TGM5: variants seen among roughly 807,000 people sequenced by gnomAD.
The protein encoded by TGM5 is protein-glutamine gamma-glutamyltransferase 5.
TGM5 carries 69 observed loss-of-function variants against 77.2 expected under a neutral mutation model. The ratio of observed to expected loss-of-function variants is 0.89; its 90% CI spans 0.74 to 1.09. TGM5 has a LOEUF of 1.09. Among genes scored for constraint, TGM5 ranks in the 50% least tolerant of loss-of-function variants. The probability of loss-of-function intolerance (pLI) is 0.00; values close to 1 mark genes in which losing one functional copy is unlikely to be tolerated. For synonymous variants in TGM5, 346 were observed against 351.8 expected, an observed-to-expected ratio of 0.98 and a Z score of 0.18; for missense variants, 842 against 896.5, an observed-to-expected ratio of 0.94 and a Z score of 0.78.
Position 43,235,768 on chromosome 15 carries a change from G to A in TGM5, c.1415C>T (p.Ser472Phe), listed in dbSNP as rs1490970396. Residue 472 changes from serine (S) to phenylalanine (F), a missense_variant, in exon 10 of 13, where the codon TCC becomes TTC. Coordinates refer to ENST00000220420, the MANE Select transcript of TGM5 (RefSeq NM_201631.4). ...QKLKARSFHG[S>F]QRGAELQPSR... ...AGGTTGCAACTCTGCTCCTCTTTGG[G>A]AGCCATGGAAGCTTCTAGCCTTCAG... The A allele has an allele frequency of 3.7e-6, 6 of 1,614,088 alleles. No individual in the cohort carries two copies. In the African/African-American group the frequency reaches 6.7e-5, roughly 18 times the overall value.
In TGM5 at chr15:43,234,775, C is replaced by T. The variant is rs936743659; in HGVS notation, c.1869G>A (p.Thr623=). 1.4e-5 allele frequency: 22 copies of T among 1,614,082 alleles called. No homozygotes were observed. Among genetic ancestry groups the T allele is most frequent in the East Asian group, 6.7e-5 (3 of 44,888 alleles). The change falls in exon 11 of 13, where the codon ACG becomes ACA. Residue 623 remains threonine (T), a synonymous_variant. Coordinates refer to ENST00000220420, the MANE Select transcript of TGM5 (RefSeq NM_201631.4). ...TTGCAGGACTCCTGCCTACATTAAT[C>T]GTGATGCTTGGATAAGATAAGGTGA... ...KIITLSYPSI[T]INVLGAAVVN...
chr15:43,261,578 G>T (rs553514482), intron 1 of TGM5, among the ~76,000 whole-genome samples: 1 of 152,272 alleles, frequency 6.6e-6, no homozygotes, highest in South Asian at 2.1e-4. Flanking sequence ...GTCTGTTTTT[G>T]ATTTTTCCTT....
At chr15:43,250,480 T>C (rs1008352281) in intron 6 of TGM5, among the ~76,000 whole-genome samples, 4 of 152,216 alleles carry the variant, frequency 2.6e-5, no homozygotes, top group African/African-American at 9.6e-5. Flanking sequence ...CACAAGCTTC[T>C]CCACTACTCT....
At chr15:43,256,541 T>C in intron 4 of TGM5, 27 bp downstream of exon 4, 1 of 1,566,620 alleles carries the variant, frequency 6.4e-7, no homozygotes, top group Non-Finnish European at 8.8e-7. Flanking sequence ...GGGGCCGGGA[T>C]GGGCCATAAG....
Position 43,261,078 on chromosome 15 carries a change from T to G in TGM5, c.11-499A>C, listed in dbSNP as rs1224673900. ...GCTCTTCCTTTTTTTGTGTGTGTGTTTTTTTTTTTTTTTTTTTTTTTTTTT... is the reference window on the plus strand; with the variant it reads ...GCTCTTCCTTTTTTTGTGTGTGTGTGTTTTTTTTTTTTTTTTTTTTTTTTT... On this transcript the variant is annotated intron_variant, in intron 1 of 12. Transcript: ENST00000220420. Among the ~76,000 whole-genome samples the G allele has an allele frequency of 3.2e-4, 16 of 50,388 alleles. 3 individuals are homozygous for G. The highest frequency in any genetic ancestry group is 7.0e-4 in the African/African-American group (13 of 18,602). 33.1% of individuals were successfully genotyped at this position (50,388 alleles called of 152,430 possible).
rs779292840 is a variant in TGM5 at position 43,260,293 on chromosome 15, C to T, written c.195G>A (p.Pro65=). The T allele has an allele frequency of 9.9e-6, 16 of 1,613,926 alleles. No homozygotes were observed. Among genetic ancestry groups the T allele is most frequent in the Non-Finnish European group, 1.3e-5 (15 of 1,180,028 alleles). ...GAGTCCCCAAGGCCAGGTCTGGCAG[C>T]GGTCCTAGGAGGGAAGTAGAGCTGA... ...DNIIFVVETG[P]LPDLALGTRA... Residue 65 remains proline, a synonymous_variant, in exon 3 of 13, where the codon CCG becomes CCA. Coordinates refer to ENST00000220420, the MANE Select transcript of TGM5 (RefSeq NM_201631.4).
chr15:43,235,300 A>G (rs1259741035), intron 10 of TGM5, among the ~76,000 whole-genome samples, 169 bp downstream of exon 10: 1 of 148,820 alleles, frequency 6.7e-6, no homozygotes, highest in African/African-American at 2.5e-5. Flanking sequence ...GAGGGAAGGA[A>G]GGAAGGAAGG....
chr15:43,256,456 G>T (rs551215283), intron 4 of TGM5, 112 bp downstream of exon 4: 23 of 867,408 alleles, frequency 2.7e-5, no homozygotes, highest in African/African-American at 8.2e-5. Context: ...CATCTTCCTC[G>T]TGCCATTTAG....
At chr15:43,238,000 G>A (rs1458018412) in intron 9 of TGM5, among the ~76,000 whole-genome samples, 1 of 152,238 alleles carries the variant, frequency 6.6e-6, no homozygotes, top group Non-Finnish European at 1.5e-5. Flanking sequence ...CTGCTGGGCT[G>A]TGTTCAACAC....
intron 4 of TGM5, 153 bp from the exon 5 acceptor site, chr15:43,253,787 G>T: frequency 2.8e-6 from 3 of 1,074,664 alleles, no homozygotes; most frequent in Non-Finnish European, 4.2e-6. Flanking sequence ...TCCCATTCAG[G>T]TGTGGGGTTT....
chr15:43,252,556 T>C (rs529179951), intron 6 of TGM5, among the ~76,000 whole-genome samples: 77 of 152,224 alleles, frequency 5.1e-4, no homozygotes, highest in South Asian at 1.0e-3. Context: ...GACCTTGGGA[T>C]CCACCCACCT....
At chr15:43,246,665 A>C (rs1427002531) in intron 6 of TGM5, among the ~76,000 whole-genome samples, 1 of 152,174 alleles carries the variant, frequency 6.6e-6, no homozygotes, top group Non-Finnish European at 1.5e-5. Context: ...AGATGGCTCA[A>C]ATTTGCAGGA....
chr15:43,256,591 G>A lies in TGM5; in HGVS notation c.532C>T (p.Pro178Ser). 6.2e-7 allele frequency: 1 copy of A among 1,614,062 alleles called. No homozygotes were observed. The highest frequency in any genetic ancestry group is 8.5e-7 in the Non-Finnish European group (1 of 1,179,942). Residue 178 changes from proline (P) to serine (S), a missense_variant, in exon 4 of 13, where the codon CCA becomes TCA. Coordinates refer to ENST00000220420, the MANE Select transcript of TGM5 (RefSeq NM_201631.4). ...ACCTGTCCATAGTTCCAGGGACATG[G>A]GCGGATCCAGTTCTTGCTGCCTTGG... ...IYQGSKNWIR[P>S]CPWNYGQFED...
chr15:43,261,090 T>TTTTTTTTGTTTTTTG (rs2042786210), intron 1 of TGM5, among the ~76,000 whole-genome samples: 1 of 97,106 alleles, frequency 1.0e-5, no homozygotes, highest in African/African-American at 5.1e-5. Context: ...TTTTTTTTTT[T>TTTTTTTTGTTTTTTG]TTTTTTTTTT....
chr15:43,252,731 T>G (rs749617375), intron 6 of TGM5, 28 bp downstream of exon 6: 6 of 1,612,474 alleles, frequency 3.7e-6, no homozygotes, highest in East Asian at 2.2e-5. Context: ...ACTTCTGACC[T>G]TTTTGTGGGG....
chr15:43,242,553 T>G (rs1304507805), intron 6 of TGM5, among the ~76,000 whole-genome samples: 3 of 152,224 alleles, frequency 2.0e-5, no homozygotes, highest in Non-Finnish European at 4.4e-5. Context: ...TTCTTAAAAG[T>G]TTATAATTTT....
At position 43,235,488 on chromosome 15, in the gene TGM5, G is replaced by C. The variant is rs1352645143; in HGVS notation, c.1695C>G (p.Ile565Met). The change falls in exon 10 of 13, where the codon ATC becomes ATG. Residue 565 changes from isoleucine (I) to methionine (M), a missense_variant. This residue lies in a region of TGM5 where 815 missense variants were observed against 844.6 expected (regional missense o/e 0.96). Coordinates refer to ENST00000220420, the MANE Select transcript of TGM5 (RefSeq NM_201631.4). ...GCGTACCTTCTTTAGGAGAGAGTGTGATGAACGCTGTGTCCTGCCAGAATG... is the reference window on the plus strand; with the variant it reads ...GCGTACCTTCTTTAGGAGAGAGTGTCATGAACGCTGTGTCCTGCCAGAATG... ...LSPFWQDTAF[I>M]TLSPKEAKTY... 1 of 1,614,148 alleles carries C rather than the reference G, an allele frequency of 6.2e-7. No homozygotes were observed. The highest frequency in any genetic ancestry group is 8.5e-7 in the Non-Finnish European group (1 of 1,180,008).
At chr15:43,235,950 C>T (rs2042587458) in intron 9 of TGM5, 113 bp from the exon 10 acceptor site, 1 of 1,449,060 alleles carries the variant, frequency 6.9e-7, no homozygotes, top group Non-Finnish European at 9.5e-7. Flanking sequence ...GCCTTCACTC[C>T]CAGTAACAAG....
intron 1 of TGM5, among the ~76,000 whole-genome samples, chr15:43,263,212 A>G (rs2042802113): frequency 6.6e-6 from 1 of 152,254 alleles, no homozygotes; most frequent in South Asian, 2.1e-4. Context: ...AAGAAGACCT[A>G]AATAAATGAA....
Sources: allele counts gnomAD v4.1 joint callset (sites outside exome capture counted in the v4.1 genomes callset), GRCh38; gene constraint gnomAD v4.1.1; regional missense constraint gnomAD v4.1.1; transcripts MANE v1.5; gene names NCBI Gene and HGNC (gene_info 2026-07-23, HGNC 2026-07-21).